The following TRIM24 variants were observed in gnomAD, a reference collection of about 807,000 sequenced individuals.
TRIM24 encodes the protein tripartite motif containing 24, also known as transcription intermediary factor 1-alpha.
In TRIM24, 29 loss-of-function variants were observed where a neutral mutation model predicts 123.9. That is an observed-to-expected ratio of 0.23 (90% CI 0.17 to 0.32). The LOEUF (loss-of-function observed/expected upper bound fraction) is 0.32. Among genes scored for constraint, TRIM24 ranks in the 10% least tolerant of loss-of-function variants. TRIM24 has a pLI of 1.00. For synonymous variants in TRIM24, 456 were observed against 461.1 expected (o/e 0.99, Z 0.14); for missense variants, 932 against 1,295.3 (o/e 0.72, Z 4.31).
chr7:138,535,678 C>T (rs1796854107), intron 6 of TRIM24, among the ~76,000 whole-genome samples: 1 of 152,148 alleles, frequency 6.6e-6, no homozygotes, highest in African/African-American at 2.4e-5. Context: ...TTTGGTGAAT[C>T]TGATAATTAT....
chr7:138,461,208 C>G (rs1794962869), intron 1 of TRIM24: 1 of 661,038 alleles, frequency 1.5e-6, no homozygotes, highest in East Asian at 3.3e-5. Flanking sequence ...TTGCAGACCT[C>G]TGTCGGAGTC....
intron 14 of TRIM24, 78 bp downstream of exon 14, chr7:138,577,666 T>G (rs1207096181): frequency 6.2e-6 from 7 of 1,134,772 alleles, no homozygotes; most frequent in Non-Finnish European, 8.2e-6. Context: ...CTCTTAGGAG[T>G]TTTTTTTTAA....
In TRIM24 at chr7:138,585,926, C is replaced by T. The variant is rs1360535991; in HGVS notation, c.*975C>T. On this transcript the variant is annotated 3_prime_UTR_variant, in exon 19 of 19. Transcript: ENST00000343526. ...GAAAGGGACTCGTTTTTGTGGTTTT[C>T]ATCTGTCTATAATTTGGAATGAAAA... is the stretch of plus-strand genomic sequence containing the variant. The T allele has an allele frequency of 1.9e-6, 1 of 518,246 alleles. No individual in the cohort carries two copies. The highest frequency in any genetic ancestry group is 5.5e-5 in the East Asian group (1 of 18,332). The allele number at this position is 518,246 out of a possible 1,614,324, so 32.1% of individuals were successfully genotyped here. A position where few individuals can be genotyped will look rare whatever the true frequency, so the allele number is the denominator to read the frequency against.
chr7:138,579,625 C>T (rs1797851040), intron 15 of TRIM24, 93 bp downstream of exon 15: 1 of 1,075,736 alleles, frequency 9.3e-7, no homozygotes, highest in Admixed American at 2.6e-5. Context: ...AATGAAATTC[C>T]ACTTGGCACA....
At chr7:138,546,716 G>A (rs1797109379) in intron 7 of TRIM24, among the ~76,000 whole-genome samples, 1 of 152,156 alleles carries the variant, frequency 6.6e-6, no homozygotes, top group African/African-American at 2.4e-5. Flanking sequence ...TACTTTTCTG[G>A]CAGTGTTTCT....
intron 15 of TRIM24, 37 bp from the exon 16 acceptor site, chr7:138,580,525 T>C (rs903907245): frequency 6.3e-7 from 1 of 1,590,624 alleles, no homozygotes; most frequent in African/African-American, 1.4e-5. Context: ...GAGGAAATGA[T>C]GCATTAGGAA....
At chr7:138,513,070 G>C (rs956874432) in intron 2 of TRIM24, among the ~76,000 whole-genome samples, 4 of 152,062 alleles carry the variant, frequency 2.6e-5, no homozygotes, top group African/African-American at 7.2e-5. Context: ...CTAAAGCCAG[G>C]GGCACAGTCC....
chr7:138,529,284 T>C (rs1796676741), intron 6 of TRIM24, 54 bp downstream of exon 6: 1 of 915,646 alleles, frequency 1.1e-6, no homozygotes, highest in African/African-American at 1.7e-5. Flanking sequence ...TTTCCTAAAG[T>C]ACTGTGAAGT....
intron 1 of TRIM24, chr7:138,461,282 C>T: frequency 1.8e-6 from 1 of 559,266 alleles, no homozygotes; most frequent in Non-Finnish European, 3.5e-6. Context: ...CCGCCCGCTG[C>T]CTCCACAAAG....
chr7:138,537,371 C>T lies in TRIM24; in HGVS notation c.997-1286C>T, dbSNP rs372924917. Among the ~76,000 whole-genome samples the T allele has an allele frequency of 3.4e-4, 46 of 136,458 alleles. 2 individuals are homozygous for T. Among genetic ancestry groups the T allele is most frequent in the African/African-American group, 1.3e-3 (44 of 34,258 alleles). The allele number at this position is 136,458 out of a possible 152,430, so 89.5% of individuals were successfully genotyped here. The stretch of plus-strand genomic sequence containing the variant: ...CATCTTGGAACCACTCCTCCGCCAC[C>T]CCTGTTTGTTTTTTTTTTTTTTTTT... On this transcript the variant is annotated intron_variant, in intron 6 of 18. Transcript: ENST00000343526.
At chr7:138,550,979 A>T (rs1797198740) in intron 7 of TRIM24, 84 bp from the exon 8 acceptor site, 1 of 1,057,602 alleles carries the variant, frequency 9.5e-7, no homozygotes. Flanking sequence ...ATTGATGTAC[A>T]TACCAGAGAC....
intron 5 of TRIM24, among the ~76,000 whole-genome samples, chr7:138,526,954 TA>T (rs1563046922): frequency 6.6e-6 from 1 of 152,206 alleles, no homozygotes; most frequent in Non-Finnish European, 1.5e-5. Flanking sequence ...AATTTTAAAT[TA>T]AACATCTGCC....
Position 138,577,541 on chromosome 7 carries a change from G to T in TRIM24, c.2209G>T (p.Val737Phe). 1 of 1,610,754 alleles carries T rather than the reference G, an allele frequency of 6.2e-7. No individual in the cohort carries two copies. Among genetic ancestry groups the T allele is most frequent in the Non-Finnish European group, 8.5e-7 (1 of 1,178,680 alleles). ...ACCACCGGAAAATTATGATTTCCCTGTTGTTATAGTGAAGCAAGAATCAGA... is the reference window on the plus strand; with the variant it reads ...ACCACCGGAAAATTATGATTTCCCTTTTGTTATAGTGAAGCAAGAATCAGA... ...SGPPENYDFP[V>F]VIVKQESDEE... is the part of the protein sequence containing the mutation. Residue 737 changes from valine (V) to phenylalanine (F), a missense_variant, in exon 14 of 19, where the codon GTT becomes TTT. Around this residue, in one of 7 missense-constraint regions of TRIM24, gnomAD observed 527 missense variants for 691.3 expected, o/e 0.76. Transcript: ENST00000343526.
intron 7 of TRIM24, among the ~76,000 whole-genome samples, chr7:138,543,218 TGAAA>T (rs1188943597): frequency 6.6e-6 from 1 of 152,204 alleles, no homozygotes; most frequent in African/African-American, 2.4e-5. Flanking sequence ...GAAATAGGAA[TGAAA>T]GAGATAGTCA....
intron 6 of TRIM24, among the ~76,000 whole-genome samples, chr7:138,532,681 G>C (rs868318563): frequency 3.9e-5 from 6 of 152,298 alleles, no homozygotes; most frequent in Middle Eastern, 6.8e-3. Flanking sequence ...ACTTAGGATT[G>C]TCTTGGCAAT....
At chr7:138,545,282 T>C (rs1206253641) in intron 7 of TRIM24, among the ~76,000 whole-genome samples, 2 of 152,048 alleles carry the variant, frequency 1.3e-5, no homozygotes, top group African/African-American at 4.8e-5. Flanking sequence ...TCACTGCACA[T>C]TGGAGAGGGT....
At position 138,536,954 on chromosome 7, in the gene TRIM24, C is replaced by T. The variant is rs369726598; in HGVS notation, c.997-1703C>T. On this transcript the variant is annotated intron_variant, in intron 6 of 18. Transcript: ENST00000343526. ...CCAGCCTCGCTGCCGCCTTGCAGTT[C>T]GATCTCAGACTGCTGTGCTAGCAAT... is the stretch of plus-strand genomic sequence containing the variant. Among the ~76,000 whole-genome samples the T allele has an allele frequency of 1.5e-4, 23 of 152,130 alleles. No individual in the cohort carries two copies. In the East Asian group the frequency reaches 2.7e-3, roughly 18 times the overall value.
In TRIM24 at chr7:138,460,582, G is replaced by GCGGCAGCGGCCT; in HGVS notation, c.39_50dup (p.Ala17_Ser20dup). 1.5e-6 allele frequency: 2 copies of GCGGCAGCGGCCT among 1,315,852 alleles called. No individual in the cohort carries two copies. The highest frequency in any genetic ancestry group is 2.5e-5 in the South Asian group (1 of 40,768). The allele number at this position is 1,315,852 out of a possible 1,614,324, so 81.5% of individuals were successfully genotyped here. A position where few individuals can be genotyped will look rare whatever the true frequency, so the allele number is the denominator to read the frequency against. ...GGCGGTGGAGAAGGCGGTGGCGGCG[G>GCGGCAGCGGCCT]CGGCAGCGGCCTCGGCTGCGGCCTC... On this transcript the variant is annotated inframe_insertion, in exon 1 of 19. Transcript: ENST00000343526.
intron 1 of TRIM24, among the ~76,000 whole-genome samples, chr7:138,492,710 C>T (rs981955108): frequency 6.6e-6 from 1 of 152,160 alleles, no homozygotes; most frequent in Non-Finnish European, 1.5e-5. Context: ...ATCCCTTAGA[C>T]GTTGGAAAAT....
Sources: allele counts gnomAD v4.1 joint callset (sites outside exome capture counted in the v4.1 genomes callset), GRCh38; gene constraint gnomAD v4.1.1; regional missense constraint gnomAD v4.1.1; transcripts MANE v1.5; gene names NCBI Gene and HGNC (gene_info 2026-07-23, HGNC 2026-07-21).